The following C20orf204 variants were observed in gnomAD, a reference collection of about 807,000 sequenced individuals.
The protein encoded by C20orf204 is chromosome 20 open reading frame 204, also known as uncharacterized protein C20orf204.
C20orf204 carries 6 observed loss-of-function variants against 3.6 expected under a neutral mutation model. The ratio of observed to expected loss-of-function variants is 1.68; its 90% confidence interval spans 0.92 to 3.31. The LOEUF (loss-of-function observed/expected upper bound fraction) is 3.31. C20orf204 is among the 30% of genes most tolerant of loss of function. The pLI is 0.00. For synonymous variants in C20orf204, 80 were observed against 41.4 expected, an observed-to-expected ratio of 1.93 and a Z score of -3.58; for missense variants, 167 against 89.7, an observed-to-expected ratio of 1.86 and a Z score of -3.48.
At chr20:64,033,996 T>G (rs1418531354), upstream of C20orf204, among the ~76,000 whole-genome samples, 2 of 152,226 alleles carry the variant, frequency 1.3e-5, no homozygotes, top group Admixed American at 6.5e-5. Flanking sequence ...ATCATGTGTG[T>G]GCATTCAGTT....
chr20:64,038,546 T>G (rs1569229809), intron 3 of C20orf204, 76 bp from the exon 4 acceptor site: 7 of 537,928 alleles, frequency 1.3e-5, no homozygotes, highest in Non-Finnish European at 2.3e-5. Flanking sequence ...GAAGTCGGGC[T>G]GGGTCGCGTC....
At position 64,038,433 on chromosome 20, in the gene C20orf204, C is replaced by G. The variant is rs780309815; in HGVS notation, c.417C>G (p.Cys139Trp). 3 of 766,332 alleles carry G rather than the reference C, an allele frequency of 3.9e-6. No individual in the cohort carries two copies. 47.5% of individuals were successfully genotyped at this position (766,332 alleles called of 1,614,324 possible). ...CCGAGGCGGTGATGCGGCGCCACTGCAGGACGCTGCGCCAGGTGTGCGTCC... is the reference window on the plus strand; with the variant it reads ...CCGAGGCGGTGATGCGGCGCCACTGGAGGACGCTGCGCCAGGTGTGCGTCC... Reference protein sequence around the residue: ...VRTEAVMRRHCRTLRQRSRRP... With the variant: ...VRTEAVMRRHWRTLRQRSRRP... Residue 139 changes from cysteine to tryptophan, a missense_variant, in exon 3 of 4, where the codon TGC becomes TGG. By Grantham distance (215) the Cys-to-Trp change is radical (BLOSUM62 -2). Coordinates refer to ENST00000636176, the MANE Select transcript of C20orf204 (RefSeq NM_001387010.1).
At chr20:64,036,590 T>G (rs1202555612) in intron 1 of C20orf204, 1 of 152,294 alleles carries the variant, frequency 6.6e-6, no homozygotes, top group Non-Finnish European at 1.5e-5. Flanking sequence ...AACAGGCCAG[T>G]TGGGACTCCC....
chr20:64,033,990 T>C (rs2059329148), upstream of C20orf204, among the ~76,000 whole-genome samples: 1 of 152,204 alleles, frequency 6.6e-6, no homozygotes, highest in African/African-American at 2.4e-5. Context: ...CCTGGGATCA[T>C]GTGTGTGCAT....
chr20:64,038,513 C>A, intron 3 of C20orf204, 65 bp downstream of exon 3: 1 of 613,688 alleles, frequency 1.6e-6, no homozygotes, highest in Non-Finnish European at 2.9e-6. Flanking sequence ...GCCGCGCGTC[C>A]CGGGGCTCCA....
upstream of C20orf204, chr20:64,036,070 G>A (rs541002541): frequency 2.5e-3 from 376 of 152,472 alleles, 6 homozygotes; most frequent in Non-Finnish European, 1.1e-3. Context: ...GATAGGGAGT[G>A]GAGAGAGGGA....
intron 1 of C20orf204, chr20:64,037,201 G>C (rs1224795042): frequency 6.6e-6 from 1 of 152,526 alleles, no homozygotes; most frequent in Non-Finnish European, 1.5e-5. Flanking sequence ...CAGGCAGAGG[G>C]GCCTTTTGCG....
At position 64,038,900 on chromosome 20, in the gene C20orf204, T is replaced by G. The variant is rs2059349833; in HGVS notation, c.*141T>G. The G allele has an allele frequency of 8.2e-6, 6 of 733,734 alleles. No homozygotes were observed. In the East Asian group the frequency reaches 1.6e-4, roughly 19 times the overall value. 45.5% of individuals were successfully genotyped at this position (733,734 alleles called of 1,614,324 possible). A position where few individuals can be genotyped will look rare whatever the true frequency, so the allele number is the denominator to read the frequency against. ...CCGCGCTCCCCGGAGGGCCCAGGAC[T>G]TGGAGAAGGGAGCGCGCCTGGCCGC... is the stretch of plus-strand genomic sequence containing the variant. On this transcript the variant is annotated 3_prime_UTR_variant, in exon 4 of 4. Coordinates refer to ENST00000636176, the MANE Select transcript of C20orf204 (RefSeq NM_001387010.1).
chr20:64,038,279 C>A lies in C20orf204; in HGVS notation c.280-17C>A. ...TTCCCCCCACCCCCACCCCGCCTTC[C>A]TCCCTTCCCTCCCCAGGAGCACAGT... On this transcript the variant is annotated splice_polypyrimidine_tract_variant and intron_variant, in intron 2 of 3. Transcript: ENST00000636176. 1.3e-6 allele frequency: 1 copy of A among 749,714 alleles called. No individual in the cohort carries two copies. The highest frequency in any genetic ancestry group is 2.5e-6 in the Non-Finnish European group (1 of 404,716). 46.4% of individuals were successfully genotyped at this position (749,714 alleles called of 1,614,324 possible).
At position 64,038,172 on chromosome 20, in the gene C20orf204, A is replaced by T. The variant is rs1359839318; in HGVS notation, c.249A>T (p.Gly83=). The T allele has an allele frequency of 1.7e-6, 1 of 591,100 alleles. No individual in the cohort carries two copies. The highest frequency in any genetic ancestry group is 3.1e-6 in the Non-Finnish European group (1 of 326,154). The allele number at this position is 591,100 out of a possible 1,614,324, so 36.6% of individuals were successfully genotyped here. A position where few individuals can be genotyped will look rare whatever the true frequency, so the allele number is the denominator to read the frequency against. Residue 83 remains glycine (G), a synonymous_variant, in exon 2 of 4, where the codon GGA becomes GGT. Coordinates refer to ENST00000636176, the MANE Select transcript of C20orf204 (RefSeq NM_001387010.1). ...LTRPGSSGRR[G]RPRASCGAQK... ...GACCCGGGAGCTCGGGACGGCGGGG[A>T]CGGCCTCGGGCCTCCTGTGGCGCCC...
intron 1 of C20orf204, chr20:64,036,621 C>G (rs569545965): frequency 7.5e-4 from 115 of 152,478 alleles, no homozygotes; most frequent in African/African-American, 2.6e-3. Flanking sequence ...GTCTGCCCCA[C>G]CTGGGTGGGA....
upstream of C20orf204, chr20:64,034,382 C>G (rs2059330449): frequency 6.6e-6 from 1 of 152,300 alleles, no homozygotes; most frequent in South Asian, 2.1e-4. Context: ...CCTGGTAGAC[C>G]AGAATGTGGG....
At position 64,038,027 on chromosome 20, in the gene C20orf204, G is replaced by T; in HGVS notation, c.104G>T (p.Arg35Leu). 1.9e-6 allele frequency: 1 copy of T among 520,284 alleles called. No homozygotes were observed. Among genetic ancestry groups the T allele is most frequent in the Non-Finnish European group, 3.4e-6 (1 of 296,416 alleles). The allele number at this position is 520,284 out of a possible 1,614,324, so 32.2% of individuals were successfully genotyped here. ...SPACSVPDVL[R>L]HYRAIIFEDL... ...GCCTGCAGCGTCCCCGACGTGCTCC[G>T]CCACTATCGCGCCATCATCTTCGAG... The change falls in exon 2 of 4, where the codon CGC becomes CTC. Residue 35 changes from arginine to leucine, a missense_variant. Arg to Leu is a moderately radical substitution (Grantham distance 102). Coordinates refer to ENST00000636176, the MANE Select transcript of C20orf204 (RefSeq NM_001387010.1).
rs948082798 is a variant in C20orf204 at position 64,036,298 on chromosome 20, AGGGAGG to A, written c.-24_-19del. The A allele has an allele frequency of 1.3e-5, 2 of 152,670 alleles. No individual in the cohort carries two copies. Among genetic ancestry groups the A allele is most frequent in the African/African-American group, 4.8e-5 (2 of 41,382 alleles). 9.5% of individuals were successfully genotyped at this position (152,670 alleles called of 1,614,324 possible). Reference sequence around the variant, plus strand: ...TGTGCGTGGCCTGCTGGCGGGAGTGAGGGAGGGCAAGACCCTGAAAGGCCCATGGTG... The same window carrying A: ...TGTGCGTGGCCTGCTGGCGGGAGTGAGCAAGACCCTGAAAGGCCCATGGTG... On this transcript the variant is annotated 5_prime_UTR_variant, in exon 1 of 4. Coordinates refer to ENST00000636176, the MANE Select transcript of C20orf204 (RefSeq NM_001387010.1).
At chr20:64,036,969 T>G (rs1277302896) in intron 1 of C20orf204, 1 of 152,290 alleles carries the variant, frequency 6.6e-6, no homozygotes, top group African/African-American at 2.4e-5. Flanking sequence ...CTTGGTTGGG[T>G]TCGCATGATT....
At chr20:64,038,571 G>C in intron 3 of C20orf204, 51 bp from the exon 4 acceptor site, 1 of 518,430 alleles carries the variant, frequency 1.9e-6, no homozygotes, top group Non-Finnish European at 3.4e-6. Context: ...TTCCCGGGCC[G>C]GGCCGGGCGC....
At chr20:64,038,551 C>A in intron 3 of C20orf204, 71 bp from the exon 4 acceptor site, 2 of 531,930 alleles carry the variant, frequency 3.8e-6, no homozygotes, top group South Asian at 5.2e-5. Flanking sequence ...CGGGCTGGGT[C>A]GCGTCTCCCT....
intron 1 of C20orf204, chr20:64,036,711 C>T (rs1329702708): frequency 2.6e-5 from 4 of 152,316 alleles, no homozygotes; most frequent in African/African-American, 9.6e-5. Context: ...TGACCTCTGA[C>T]CCAGAGCAGG....
In C20orf204 at chr20:64,038,786, GA is replaced by G; in HGVS notation, c.*28del. On this transcript the variant is annotated 3_prime_UTR_variant, in exon 4 of 4. Transcript: ENST00000636176. ...GCGGCCCGTCCTGGCCCTGCGCGGG[GA>G]GGAGAACCAGCGGGGCCGCGGCAGA... 1.4e-6 allele frequency: 1 copy of G among 697,188 alleles called. No individual in the cohort carries two copies. The highest frequency in any genetic ancestry group is 2.7e-6 in the Non-Finnish European group (1 of 376,594). The allele number at this position is 697,188 out of a possible 1,614,324, so 43.2% of individuals were successfully genotyped here. A position where few individuals can be genotyped will look rare whatever the true frequency, so the allele number is the denominator to read the frequency against.
Sources: allele counts gnomAD v4.1 joint callset (sites outside exome capture counted in the v4.1 genomes callset), GRCh38; gene constraint gnomAD v4.1.1; transcripts MANE v1.5; gene names NCBI Gene and HGNC (gene_info 2026-07-23, HGNC 2026-07-21).